Variants in ARL15 observed in about 807,000 individuals in gnomAD.
The protein encoded by ARL15 is ADP-ribosylation factor-like protein 15.
A neutral mutation model predicts 25.2 loss-of-function variants in ARL15; 19 were observed. That is an observed-to-expected ratio of 0.75 (90% confidence interval 0.53 to 1.10). The LOEUF is 1.10. Ranked by LOEUF, ARL15 falls within the 50% of genes least tolerant of loss-of-function variation. The pLI, the probability that ARL15 is intolerant of heterozygous loss-of-function variation, is 0.00. For missense variants in ARL15, 220 were observed against 246.0 expected (o/e 0.89, Z 0.71); for synonymous variants, 94 against 86.8 (o/e 1.08, Z -0.46).
chr5:54,076,791 C>CT (rs35506215), intron 4 of ARL15, among the ~76,000 whole-genome samples: 74,006 of 149,214 alleles, frequency 0.5, 20,189 homozygotes, highest in Non-Finnish European at 0.62. Context: ...TGTAGGAGTG[C>CT]TTTTTTTTTT....
intron 3 of ARL15, among the ~76,000 whole-genome samples, chr5:54,139,099 G>C (rs1406737094): frequency 6.6e-6 from 1 of 152,202 alleles, no homozygotes; most frequent in Admixed American, 6.5e-5. Context: ...ATGGAAAACA[G>C]TATGGTGATT....
intron 1 of ARL15, among the ~76,000 whole-genome samples, chr5:54,242,775 T>C (rs145817680): frequency 6.6e-6 from 1 of 152,160 alleles, no homozygotes; most frequent in Admixed American, 6.5e-5. Context: ...CTGCCTAAAG[T>C]TGCACTTACC....
intron 4 of ARL15, among the ~76,000 whole-genome samples, chr5:53,895,292 G>T (rs995137534): frequency 1.3e-5 from 2 of 152,204 alleles, no homozygotes; most frequent in Non-Finnish European, 2.9e-5. Context: ...TTCCAGCTTG[G>T]CTGGGCTCCA....
chr5:54,024,212 A>G (rs1298547982), intron 4 of ARL15, among the ~76,000 whole-genome samples: 2 of 152,176 alleles, frequency 1.3e-5, no homozygotes, highest in Admixed American at 1.3e-4. Context: ...TTGTTGTACT[A>G]TATGGTTTTA....
chr5:54,139,947 T>A (rs1303489603), intron 3 of ARL15, among the ~76,000 whole-genome samples: 1 of 152,212 alleles, frequency 6.6e-6, no homozygotes, highest in African/African-American at 2.4e-5. Flanking sequence ...TCATTTTGGA[T>A]CTTAACCAAT....
At chr5:54,049,927 A>G (rs1750654683) in intron 4 of ARL15, among the ~76,000 whole-genome samples, 1 of 152,128 alleles carries the variant, frequency 6.6e-6, no homozygotes, top group African/African-American at 2.4e-5. Flanking sequence ...CTTGTTTTCA[A>G]TAAGAACGGG....
At chr5:54,242,794 T>A (rs916861860) in intron 1 of ARL15, among the ~76,000 whole-genome samples, 3 of 152,156 alleles carry the variant, frequency 2.0e-5, no homozygotes, top group Non-Finnish European at 4.4e-5. Flanking sequence ...CCCCTTTTTT[T>A]CCTAGGTCAG....
intron 4 of ARL15, among the ~76,000 whole-genome samples, chr5:53,929,718 TACCATAAATGTGTGGTTCAC>T (rs1746140300): frequency 6.6e-6 from 1 of 152,254 alleles, no homozygotes; most frequent in African/African-American, 2.4e-5. Context: ...TCCAATGGAC[TACCATAAATGTGTGGTTCAC>T]ACCATCAGAG....
intron 4 of ARL15, among the ~76,000 whole-genome samples, chr5:54,084,049 C>T (rs996026387): frequency 1.3e-5 from 2 of 152,226 alleles, no homozygotes; most frequent in South Asian, 2.1e-4. Context: ...GGGGCTGAGT[C>T]GCCCAGTCTT....
At chr5:54,176,087 C>A (rs149209496) in intron 1 of ARL15, among the ~76,000 whole-genome samples, 4 of 152,172 alleles carry the variant, frequency 2.6e-5, no homozygotes, top group Non-Finnish European at 4.4e-5. Context: ...TAAGTCCAGG[C>A]TCTATAGTTC....
In ARL15 at chr5:54,310,413, AC is replaced by A; in HGVS notation, c.48+18del. The A allele has an allele frequency of 6.2e-7, 1 of 1,605,694 alleles. No individual in the cohort carries two copies. Among genetic ancestry groups the A allele is most frequent in the Non-Finnish European group, 8.5e-7 (1 of 1,176,326 alleles). ...GCCGAGATCCGAGAGGCGACATGCC[AC>A]CCCTGCCCTGCACCTACCAGATAAT... On this transcript the variant is annotated intron_variant, in intron 1 of 4. Coordinates refer to ENST00000504924, the MANE Select transcript of ARL15 (RefSeq NM_019087.3).
intron 3 of ARL15, among the ~76,000 whole-genome samples, chr5:54,121,168 C>T (rs766524117): frequency 1.8e-4 from 27 of 152,148 alleles, no homozygotes; most frequent in Non-Finnish European, 1.6e-4. Context: ...ACTAATCAGA[C>T]CTCAAAACAA....
At chr5:54,057,409 G>A (rs1750912730) in intron 4 of ARL15, among the ~76,000 whole-genome samples, 1 of 152,150 alleles carries the variant, frequency 6.6e-6, no homozygotes, top group Non-Finnish European at 1.5e-5. Context: ...GATGGGGCAG[G>A]TTTTAACACA....
rs549476806 is a variant in ARL15, at chr5:54,292,974, T to C, written c.48+17458A>G. Among the ~76,000 whole-genome samples, 115 of 152,344 alleles carry C rather than the reference T, an allele frequency of 7.5e-4. No individual in the cohort carries two copies. In the Middle Eastern group the frequency reaches 0.014, roughly 18 times the overall value. The stretch of plus-strand genomic sequence containing the variant: ...GAAATACTTTTAAGTAGAAATTGAA[T>C]TTTAATTAGAGACTGAAATGAGAAA... On this transcript the variant is annotated intron_variant, in intron 1 of 4. Coordinates refer to ENST00000504924, the MANE Select transcript of ARL15 (RefSeq NM_019087.3).
At chr5:53,968,958 G>A (rs1459320440) in intron 4 of ARL15, among the ~76,000 whole-genome samples, 3 of 151,328 alleles carry the variant, frequency 2.0e-5, no homozygotes, top group Non-Finnish European at 4.4e-5. Context: ...GACCAGCCTG[G>A]ACAACATGGT....
At chr5:54,288,103 AGAG>A (rs3063816) in intron 1 of ARL15, among the ~76,000 whole-genome samples, 56,804 of 151,926 alleles carry the variant, frequency 0.37, 13,795 homozygotes, top group Non-Finnish European at 0.53. Flanking sequence ...TACACAAAGC[AGAG>A]GAGAATAACA....
intron 4 of ARL15, among the ~76,000 whole-genome samples, chr5:53,993,480 T>TGAC (rs1748573412): frequency 6.6e-6 from 1 of 152,206 alleles, no homozygotes; most frequent in Non-Finnish European, 1.5e-5. Context: ...ATGATGATGA[T>TGAC]GACAGTTTTG....
intron 3 of ARL15, among the ~76,000 whole-genome samples, chr5:54,118,691 C>T (rs564472684): frequency 1.2e-4 from 19 of 152,156 alleles, no homozygotes; most frequent in Non-Finnish European, 2.6e-4. Context: ...GGAGGGCAAT[C>T]TCAAAACTAA....
At chr5:53,946,683 C>T (rs1746747575) in intron 4 of ARL15, among the ~76,000 whole-genome samples, 1 of 152,024 alleles carries the variant, frequency 6.6e-6, no homozygotes, top group South Asian at 2.1e-4. Flanking sequence ...AGTTAGGTGG[C>T]CAAAATCCTG....
Sources: allele counts gnomAD v4.1 joint callset (sites outside exome capture counted in the v4.1 genomes callset), GRCh38; gene constraint gnomAD v4.1.1; transcripts MANE v1.5; gene names NCBI Gene and HGNC (gene_info 2026-07-23, HGNC 2026-07-21).